Variants in TOR1AIP2 observed in about 807,000 individuals in gnomAD.
The protein encoded by TOR1AIP2 is torsin-1A-interacting protein 2.
Under a neutral mutation model 32.6 loss-of-function variants are expected in TOR1AIP2, and 20 were observed. That is an observed-to-expected ratio of 0.61 (90% CI 0.43 to 0.89). The LOEUF (loss-of-function observed/expected upper bound fraction) is 0.89, where lower values mean the gene tolerates loss of function less well. Ranked by LOEUF, TOR1AIP2 falls within the 40% of genes least tolerant of loss-of-function variation. The pLI is 0.00. For synonymous variants in TOR1AIP2, 214 were observed against 210.8 expected, an observed-to-expected ratio of 1.02 and a Z score of -0.13; for missense variants, 456 against 553.8, an observed-to-expected ratio of 0.82 and a Z score of 1.77.
intron 3 of TOR1AIP2, among the ~76,000 whole-genome samples, chr1:179,857,625 G>A (rs1696354955): frequency 6.6e-6 from 1 of 152,126 alleles, no homozygotes; most frequent in South Asian, 2.1e-4. Flanking sequence ...ACATTGTGTG[G>A]TATACCAAAT....
At chr1:179,860,484 A>AAAAAC (rs562273656) in intron 3 of TOR1AIP2, 2 of 985,448 alleles carry the variant, frequency 2.0e-6, no homozygotes, top group Non-Finnish European at 2.4e-6. Flanking sequence ...TCTGTCTCAA[A>AAAAAC]AAAACAAAAC....
intron 5 of TOR1AIP2, 54 bp from the exon 6 acceptor site, chr1:179,847,690 G>T: frequency 8.7e-7 from 1 of 1,155,188 alleles, no homozygotes; most frequent in Non-Finnish European, 1.3e-6. Context: ...ATGACAGTAT[G>T]TATACCTTTA....
chr1:179,862,224 A>T, intron 3 of TOR1AIP2: 1 of 982,236 alleles, frequency 1.0e-6, no homozygotes. Context: ...TATTTTGCTG[A>T]TATTTAAATT....
chr1:179,862,105 C>T (rs187647530), intron 3 of TOR1AIP2: 1 of 985,376 alleles, frequency 1.0e-6, no homozygotes, highest in East Asian at 1.1e-4. Flanking sequence ...CAAGCTCTCA[C>T]AGGTACTGCT....
chr1:179,873,740 C>G (rs1223101132), intron 2 of TOR1AIP2: 1 of 152,168 alleles, frequency 6.6e-6, no homozygotes, highest in Non-Finnish European at 1.5e-5. Context: ...GTTGTCCCTT[C>G]TCCCCTACTT....
At chr1:179,871,037 A>T (rs186204376) in intron 2 of TOR1AIP2, among the ~76,000 whole-genome samples, 2 of 152,366 alleles carry the variant, frequency 1.3e-5, no homozygotes, top group East Asian at 3.9e-4. Context: ...GACTGGAACC[A>T]GTGATTTAGG....
intron 3 of TOR1AIP2, chr1:179,864,901 A>G: frequency 6.2e-7 from 1 of 1,614,058 alleles, no homozygotes. Context: ...CCAGTGGAGG[A>G]CCCAGAAGAA....
At chr1:179,852,852 T>C in intron 3 of TOR1AIP2, 41 bp from the exon 4 acceptor site, 1 of 1,291,468 alleles carries the variant, frequency 7.7e-7, no homozygotes, top group Admixed American at 3.2e-5. Flanking sequence ...TTTTTATCCA[T>C]ACAAGGGAGA....
chr1:179,870,256 A>G (rs1298473153), intron 2 of TOR1AIP2, among the ~76,000 whole-genome samples: 1 of 152,102 alleles, frequency 6.6e-6, no homozygotes, highest in African/African-American at 2.4e-5. Context: ...AAAATTAGCC[A>G]GCCGTGGTGG....
Position 179,846,457 on chromosome 1 carries a change from C to A in TOR1AIP2, c.1027G>T (p.Val343Phe), listed in dbSNP as rs139296224. ...AGRTWQDSDT[V>F]KLLVDLELSY... ...AGCTCCAGGTCAACCAACAGCTTGA[C>A]CGTGTCACTGTCCTGCCAGGTCCTT... Residue 343 changes from valine (V) to phenylalanine (F), a missense_variant, in exon 7 of 7, where the codon GTC becomes TTC. Val to Phe is a conservative substitution (Grantham distance 50, BLOSUM62 -1). Coordinates refer to ENST00000609928, the MANE Select transcript of TOR1AIP2 (RefSeq NM_001199260.2). 6.2e-7 allele frequency: 1 copy of A among 1,614,208 alleles called. No individual in the cohort carries two copies. Among genetic ancestry groups the A allele is most frequent in the Admixed American group, 1.7e-5 (1 of 60,030 alleles).
At chr1:179,868,401 A>G (rs1696875470) in intron 2 of TOR1AIP2, 1 of 152,232 alleles carries the variant, frequency 6.6e-6, no homozygotes, top group South Asian at 2.1e-4. Flanking sequence ...ATATTTCTGG[A>G]ATGAATAAAT....
chr1:179,846,146 C>T lies in TOR1AIP2; in HGVS notation c.1338G>A (p.Leu446=), dbSNP rs1248066060. The change falls in exon 7 of 7, where the codon CTG becomes CTA. Residue 446 remains leucine, a synonymous_variant. Coordinates refer to ENST00000609928, the MANE Select transcript of TOR1AIP2 (RefSeq NM_001199260.2). ...GTACCAGGTGTGAAATTCGGCTCCA[C>T]AGCCCACTCAATTTGTCTGAGTCCA... is the stretch of plus-strand genomic sequence containing the variant. ...NHMDSDKLSG[L]WSRISHLVLP... The T allele has an allele frequency of 5.0e-6, 8 of 1,614,236 alleles. No homozygotes were observed. Among genetic ancestry groups the T allele is most frequent in the African/African-American group, 1.3e-5 (1 of 75,068 alleles).
At position 179,877,701 on chromosome 1, in the gene TOR1AIP2, G is replaced by A. The variant is rs1277266343; in HGVS notation, c.-709C>T. ...TCATTTTGTTTACTTACAAATTCTG[G>A]CGAAGTTTTAAATCGTAAAACTGTT... is the stretch of plus-strand genomic sequence containing the variant. On this transcript the variant is annotated 5_prime_UTR_variant, in exon 1 of 7. Transcript: ENST00000609928. 1 of 152,120 alleles carries A rather than the reference G, an allele frequency of 6.6e-6. No individual in the cohort carries two copies. Among genetic ancestry groups the A allele is most frequent in the South Asian group, 2.1e-4 (1 of 4,832 alleles). 9.4% of individuals were successfully genotyped at this position (152,120 alleles called of 1,614,324 possible).
intron 2 of TOR1AIP2, among the ~76,000 whole-genome samples, chr1:179,866,691 C>A (rs978622648): frequency 5.9e-5 from 9 of 152,216 alleles, no homozygotes; most frequent in Non-Finnish European, 1.0e-4. Flanking sequence ...AGGAGTGAGC[C>A]ACCGTGCCCG....
chr1:179,851,539 AT>A (rs1320247117), intron 4 of TOR1AIP2, among the ~76,000 whole-genome samples, 176 bp from the exon 5 acceptor site: 3 of 152,186 alleles, frequency 2.0e-5, no homozygotes, highest in African/African-American at 7.2e-5. Context: ...AACAAAAAAA[AT>A]CTTATCATGT....
At chr1:179,862,506 G>A in intron 3 of TOR1AIP2, 1 of 985,370 alleles carries the variant, frequency 1.0e-6, no homozygotes, top group Non-Finnish European at 1.2e-6. Flanking sequence ...AGAGACATAA[G>A]GCAGATACAG....
chr1:179,863,677 C>CAAAAAAAA (rs904854823), intron 3 of TOR1AIP2: 3 of 859,980 alleles, frequency 3.5e-6, no homozygotes, highest in Non-Finnish European at 4.0e-6. Flanking sequence ...TTTTAAAAAG[C>CAAAAAAAA]AAAAAAAAAA....
At chr1:179,871,071 G>A (rs141309816) in intron 2 of TOR1AIP2, among the ~76,000 whole-genome samples, 225 of 152,284 alleles carry the variant, frequency 1.5e-3, no homozygotes, top group African/African-American at 5.2e-3. Flanking sequence ...CTCTTAGAGG[G>A]ATATAAAAAG....
At chr1:179,861,413 T>G (rs1338231387) in intron 3 of TOR1AIP2, 3 of 985,320 alleles carry the variant, frequency 3.0e-6, no homozygotes, top group Non-Finnish European at 3.6e-6. Context: ...TGCTCAATTT[T>G]ATGAGCTCTA....
Sources: allele counts gnomAD v4.1 joint callset (sites outside exome capture counted in the v4.1 genomes callset), GRCh38; gene constraint gnomAD v4.1.1; transcripts MANE v1.5; gene names NCBI Gene and HGNC (gene_info 2026-07-23, HGNC 2026-07-21).